Variants in PAK2 observed in about 807,000 individuals in gnomAD.
PAK2 encodes the protein serine/threonine-protein kinase PAK 2.
PAK2 carries 21 observed loss-of-function variants against 65.9 expected under a neutral mutation model. That is an observed-to-expected ratio of 0.32 (90% CI 0.23 to 0.46). The LOEUF is 0.46. PAK2 is among the 20% of genes least tolerant of loss of function. The probability of loss-of-function intolerance (pLI) is 1.00; values close to 1 mark genes in which losing one functional copy is unlikely to be tolerated. For missense variants in PAK2, 324 were observed against 642.6 expected (o/e 0.50, Z 5.36); for synonymous variants, 204 against 219.7 (o/e 0.93, Z 0.63).
At chr3:196,743,879 C>G (rs1399390890) in intron 1 of PAK2, among the ~76,000 whole-genome samples, 1 of 151,094 alleles carries the variant, frequency 6.6e-6, no homozygotes, top group African/African-American at 2.4e-5. Flanking sequence ...GAGACTCCGT[C>G]TCAAAAACAA....
At chr3:196,813,086 T>G (rs886918389) in intron 10 of PAK2, among the ~76,000 whole-genome samples, 3 of 152,100 alleles carry the variant, frequency 2.0e-5, no homozygotes, top group African/African-American at 7.2e-5. Context: ...TGGTGGTGTT[T>G]ATACTCATCG....
intron 1 of PAK2, among the ~76,000 whole-genome samples, chr3:196,769,816 CAAAAAAGAAAAA>C (rs55952145): frequency 0.46 from 68,979 of 151,204 alleles, 16,756 homozygotes; most frequent in Non-Finnish European, 0.54. Flanking sequence ...GACTCTGTCT[CAAAAAAGAAAAA>C]GAAAAAGAAA....
In PAK2 at chr3:196,815,179, C is replaced by CA. The variant is rs1006098764; in HGVS notation, c.1053+620dup. Reference sequence around the variant, plus strand: ...TGGGCAACAGAGCGAGAGTCCGTCTCAAAAAAAAAGAAAAAGAAATACACC... The same window carrying CA: ...TGGGCAACAGAGCGAGAGTCCGTCTCAAAAAAAAAAGAAAAAGAAATACACC... On this transcript the variant is annotated intron_variant, in intron 11 of 14. Transcript: ENST00000327134. 6.3e-5 allele frequency among the ~76,000 whole-genome samples: 9 copies of CA among 143,606 alleles called. No homozygotes were observed. In the South Asian group the frequency reaches 6.6e-4, roughly 11 times the overall value. 94.2% of individuals were successfully genotyped at this position (143,606 alleles called of 152,430 possible).
intron 2 of PAK2, chr3:196,784,999 C>T (rs10440165): frequency 0.52 from 79,490 of 152,206 alleles, 21,197 homozygotes; most frequent in East Asian, 0.69. Context: ...GAACGCTTCA[C>T]GAATTTGCGT....
At chr3:196,810,504 T>G in intron 7 of PAK2, 86 bp from the exon 8 acceptor site, 1 of 764,278 alleles carries the variant, frequency 1.3e-6, no homozygotes, top group Non-Finnish European at 2.3e-6. Flanking sequence ...ATAAAAACAG[T>G]GGAGTTCATT....
chr3:196,755,660 G>A (rs780743129), intron 1 of PAK2, among the ~76,000 whole-genome samples: 316 of 152,132 alleles, frequency 2.1e-3, no homozygotes, highest in Non-Finnish European at 3.6e-3. Flanking sequence ...GTTTCTCCAC[G>A]TTGGTCAGGC....
chr3:196,804,401 A>G (rs1715514140), intron 4 of PAK2, among the ~76,000 whole-genome samples: 1 of 152,096 alleles, frequency 6.6e-6, no homozygotes, highest in Admixed American at 6.6e-5. Context: ...TTGACCACAA[A>G]ATGGTAGCTT....
chr3:196,768,945 G>A (rs1714271536), intron 1 of PAK2, among the ~76,000 whole-genome samples: 1 of 151,888 alleles, frequency 6.6e-6, no homozygotes, highest in Admixed American at 6.6e-5. Context: ...GGGATTACAG[G>A]TGTGAGCCAC....
At chr3:196,777,874 G>A (rs1034919458) in intron 1 of PAK2, among the ~76,000 whole-genome samples, 1 of 152,180 alleles carries the variant, frequency 6.6e-6, no homozygotes. Context: ...TCTTTATTCT[G>A]TGAGTAGATA....
At chr3:196,761,789 A>AC (rs576315057) in intron 1 of PAK2, among the ~76,000 whole-genome samples, 25 of 124,458 alleles carry the variant, frequency 2.0e-4, no homozygotes, top group South Asian at 5.2e-4. Flanking sequence ...CGGGGGGCTG[A>AC]CCCCCACCTC....
At chr3:196,798,872 G>C (rs1003552920) in intron 2 of PAK2, among the ~76,000 whole-genome samples, 1 of 152,026 alleles carries the variant, frequency 6.6e-6, no homozygotes, top group African/African-American at 2.4e-5. Flanking sequence ...CAGCAAACTT[G>C]GAATAGAAGA....
chr3:196,819,444 A>G (rs1233146563), intron 12 of PAK2, among the ~76,000 whole-genome samples: 1 of 152,168 alleles, frequency 6.6e-6, no homozygotes, highest in Non-Finnish European at 1.5e-5. Context: ...CTGTGACAAA[A>G]AATTTTAAAA....
At chr3:196,776,044 A>G (rs1289301363) in intron 1 of PAK2, among the ~76,000 whole-genome samples, 1 of 152,222 alleles carries the variant, frequency 6.6e-6, no homozygotes, top group Non-Finnish European at 1.5e-5. Context: ...AGTACGCTTT[A>G]AAGCAGCAGT....
chr3:196,772,030 C>G (rs1270906860), intron 1 of PAK2, among the ~76,000 whole-genome samples: 1 of 152,064 alleles, frequency 6.6e-6, no homozygotes, highest in African/African-American at 2.4e-5. Flanking sequence ...TCGCTCTATT[C>G]TGCTTTTATT....
chr3:196,766,348 GGTTAATGAGT>G (rs1346007034), intron 1 of PAK2, among the ~76,000 whole-genome samples: 1 of 152,090 alleles, frequency 6.6e-6, no homozygotes, highest in East Asian at 1.9e-4. Flanking sequence ...GTCATAATCT[GGTTAATGAGT>G]GTTTGCTAAC....
chr3:196,824,684 C>T (rs1482197341), intron 13 of PAK2, among the ~76,000 whole-genome samples: 1 of 151,912 alleles, frequency 6.6e-6, no homozygotes, highest in Non-Finnish European at 1.5e-5. Context: ...ATTCATTTGT[C>T]AAAGCCCATG....
chr3:196,808,189 G>T, intron 7 of PAK2: 1 of 263,366 alleles, frequency 3.8e-6, no homozygotes, highest in South Asian at 4.6e-5. Context: ...GTGCTGGCAT[G>T]TGCCTGTAAT....
Position 196,807,862 on chromosome 3 carries a change from C to A in PAK2, c.657C>A (p.Asp219Glu), listed in dbSNP as rs575765769. Residue 219 changes from aspartate (D) to glutamate (E), a missense_variant, in exon 7 of 15, where the codon GAC becomes GAA. Physicochemically the swap from Asp to Glu is conservative, Grantham distance 45. This residue lies in a region of PAK2 where 183 missense variants were observed against 246.2 expected (regional missense o/e 0.74). Transcript: ENST00000327134. ...TTGATGGTGCTGCCAAGTCTTTAGA[C>A]AAACAGAAAAAGAAGACTAAGATGA... The part of the protein sequence containing the change: ...SHVDGAAKSL[D>E]KQKKKTKMTD... The A allele has an allele frequency of 4.3e-6, 7 of 1,609,892 alleles. No individual in the cohort carries two copies. Among genetic ancestry groups the A allele is most frequent in the Non-Finnish European group, 5.9e-6 (7 of 1,176,564 alleles).
chr3:196,741,546 A>T (rs1713193755), intron 1 of PAK2, among the ~76,000 whole-genome samples: 1 of 152,212 alleles, frequency 6.6e-6, no homozygotes, highest in Non-Finnish European at 1.5e-5. Context: ...ATTGACACTT[A>T]TTACGGAAAG....
Sources: allele counts gnomAD v4.1 joint callset (sites outside exome capture counted in the v4.1 genomes callset), GRCh38; gene constraint gnomAD v4.1.1; regional missense constraint gnomAD v4.1.1; transcripts MANE v1.5; gene names NCBI Gene and HGNC (gene_info 2026-07-23, HGNC 2026-07-21).